The following GALNTL6 variants were observed in gnomAD, a reference collection of about 807,000 sequenced individuals.
The protein encoded by GALNTL6 is polypeptide N-acetylgalactosaminyltransferase-like 6.
GALNTL6 carries 46 observed loss-of-function variants against 73.7 expected under a neutral mutation model. That is an observed-to-expected ratio of 0.62 (90% CI 0.49 to 0.80). The LOEUF (loss-of-function observed/expected upper bound fraction) is 0.80, where lower values mean the gene tolerates loss of function less well. GALNTL6 is among the 30% of genes least tolerant of loss of function. The pLI, the probability that GALNTL6 is intolerant of heterozygous loss-of-function variation, is 0.00. For missense variants in GALNTL6, 604 were observed against 755.0 expected (o/e 0.80, Z 2.34); for synonymous variants, 259 against 263.7 (o/e 0.98, Z 0.17).
chr4:172,433,768 T>G (rs1731545085), intron 5 of GALNTL6, among the ~76,000 whole-genome samples: 2 of 152,072 alleles, frequency 1.3e-5, no homozygotes, highest in South Asian at 4.1e-4. Context: ...CAGCAGAAGA[T>G]GGAGTCCTAC....
chr4:172,492,929 C>A (rs943015278), intron 5 of GALNTL6, among the ~76,000 whole-genome samples: 3 of 152,076 alleles, frequency 2.0e-5, no homozygotes, highest in Non-Finnish European at 2.9e-5. Context: ...TGTCTGCATG[C>A]GCAAAGAGGT....
chr4:172,521,460 A>G (rs1734770657), intron 5 of GALNTL6, among the ~76,000 whole-genome samples: 1 of 152,280 alleles, frequency 6.6e-6, no homozygotes, highest in Admixed American at 6.5e-5. Flanking sequence ...TAACTAGCAT[A>G]TTTTATATGG....
At chr4:172,482,998 G>T (rs1341517659) in intron 5 of GALNTL6, among the ~76,000 whole-genome samples, 1 of 100,734 alleles carries the variant, frequency 9.9e-6, no homozygotes, top group African/African-American at 2.9e-5. Context: ...AGGATTAAAT[G>T]AGTTTATGTA....
At chr4:171,998,976 A>G (rs933454307) in intron 2 of GALNTL6, among the ~76,000 whole-genome samples, 6 of 152,162 alleles carry the variant, frequency 3.9e-5, no homozygotes, top group African/African-American at 1.4e-4. Context: ...CCCTCAAGTA[A>G]TGTCCAGAGG....
intron 5 of GALNTL6, chr4:172,380,438 G>A (rs566569471): frequency 5.6e-6 from 3 of 531,348 alleles, no homozygotes; most frequent in African/African-American, 3.8e-5. Context: ...AACTGGTTCT[G>A]CCAGCAAAAG....
chr4:172,583,491 A>G (rs1373173448), intron 5 of GALNTL6, among the ~76,000 whole-genome samples: 1 of 152,228 alleles, frequency 6.6e-6, no homozygotes, highest in Non-Finnish European at 1.5e-5. Flanking sequence ...TTTAAATTTT[A>G]ATATCTAAAG....
chr4:172,310,041 G>T (rs1740294947), intron 3 of GALNTL6, among the ~76,000 whole-genome samples: 1 of 151,916 alleles, frequency 6.6e-6, no homozygotes, highest in Non-Finnish European at 1.5e-5. Context: ...ATCCAGAAAG[G>T]CCAGTTTATT....
intron 2 of GALNTL6, among the ~76,000 whole-genome samples, chr4:172,169,759 AT>A (rs1385272077): frequency 6.6e-6 from 1 of 152,198 alleles, no homozygotes; most frequent in Non-Finnish European, 1.5e-5. Context: ...ATGTCCATTA[AT>A]TTAGGAGATA....
At chr4:172,761,668 T>TC (rs1491385236) in intron 5 of GALNTL6, among the ~76,000 whole-genome samples, 44,998 of 111,966 alleles carry the variant, frequency 0.4, 7,260 homozygotes, top group Middle Eastern at 0.56. Context: ...CCTTGCTCTC[T>TC]TTCTCTCTCT....
At chr4:172,272,749 A>G (rs1488639184) in intron 3 of GALNTL6, among the ~76,000 whole-genome samples, 1 of 152,220 alleles carries the variant, frequency 6.6e-6, no homozygotes, top group Non-Finnish European at 1.5e-5. Flanking sequence ...TATATTTCGA[A>G]TGGAAAAATG....
At chr4:172,407,821 C>G (rs902812371) in intron 5 of GALNTL6, among the ~76,000 whole-genome samples, 2 of 152,018 alleles carry the variant, frequency 1.3e-5, no homozygotes, top group Non-Finnish European at 2.9e-5. Context: ...GAATGTTTAG[C>G]TAATTCCATA....
At chr4:172,074,727 G>T (rs1731652066) in intron 2 of GALNTL6, among the ~76,000 whole-genome samples, 1 of 152,078 alleles carries the variant, frequency 6.6e-6, no homozygotes, top group Admixed American at 6.6e-5. Flanking sequence ...GGAAAACAGG[G>T]CTTTAATTAA....
intron 5 of GALNTL6, among the ~76,000 whole-genome samples, chr4:172,548,177 G>T (rs1475469137): frequency 1.7e-3 from 8 of 4,768 alleles, no homozygotes; most frequent in Admixed American, 0.016. Flanking sequence ...GTCAATGAAG[G>T]GTCAAAAGAA....
chr4:172,282,358 A>G (rs1170782399), intron 3 of GALNTL6, among the ~76,000 whole-genome samples: 1 of 152,204 alleles, frequency 6.6e-6, no homozygotes, highest in Admixed American at 6.5e-5. Flanking sequence ...AAGGACTAAA[A>G]TAGACTGAAA....
chr4:172,750,261 T>C lies in GALNTL6; in HGVS notation c.554-59100T>C, dbSNP rs78969009. Among the ~76,000 whole-genome samples the C allele has an allele frequency of 9.5e-4, 145 of 152,300 alleles. 1 individual carries two copies. In the East Asian group the frequency reaches 0.022, roughly 23 times the overall value. ...ACAAAGTTTTACAGTGAAAGACATA[T>C]TTTTCAAGGAAAAAATGTGAAGCAA... is the stretch of plus-strand genomic sequence containing the variant. On this transcript the variant is annotated intron_variant, in intron 5 of 12. Coordinates refer to ENST00000506823, the MANE Select transcript of GALNTL6 (RefSeq NM_001034845.3).
chr4:171,997,861 G>C (rs1342534131), intron 2 of GALNTL6, among the ~76,000 whole-genome samples: 3 of 152,088 alleles, frequency 2.0e-5, no homozygotes, highest in African/African-American at 7.2e-5. Flanking sequence ...GACCTTCAGG[G>C]AGAAAAAGTT....
intron 7 of GALNTL6, among the ~76,000 whole-genome samples, chr4:172,855,874 C>T (rs544770549): frequency 5.3e-5 from 8 of 152,216 alleles, no homozygotes; most frequent in South Asian, 4.1e-4. Flanking sequence ...GCCTGGATGT[C>T]GATATGCAGC....
At chr4:171,829,661 A>G (rs886986240) in intron 2 of GALNTL6, among the ~76,000 whole-genome samples, 1 of 152,072 alleles carries the variant, frequency 6.6e-6, no homozygotes, top group African/African-American at 2.4e-5. Context: ...TTTGCATTAG[A>G]TACAACAGTT....
chr4:172,474,764 G>A (rs1470047457), intron 5 of GALNTL6, among the ~76,000 whole-genome samples: 2 of 151,948 alleles, frequency 1.3e-5, no homozygotes, highest in African/African-American at 2.4e-5. Context: ...TGATTCTCTT[G>A]GAATGAATGA....
Sources: gnomAD v4.1 joint callset for allele counts (sites outside exome capture counted in the v4.1 genomes callset) on GRCh38, gnomAD v4.1.1 for gene constraint, MANE v1.5 for transcripts, NCBI Gene and HGNC (gene_info 2026-07-23, HGNC 2026-07-21) for gene names.